The following CDH2 variants were observed in gnomAD, a reference collection of about 807,000 sequenced individuals.
The protein encoded by CDH2 is cadherin 2.
A neutral mutation model predicts 92.0 loss-of-function variants in CDH2; 17 were observed. The ratio of observed to expected loss-of-function variants is 0.18; its 90% CI spans 0.13 to 0.28. The LOEUF (loss-of-function observed/expected upper bound fraction) is 0.28, where lower values mean the gene tolerates loss of function less well. CDH2 is among the 10% of genes least tolerant of loss of function. The pLI is 1.00. For synonymous variants in CDH2, 419 were observed against 415.9 expected (o/e 1.01, Z -0.09); for missense variants, 862 against 1,133.1 (o/e 0.76, Z 3.44).
chr18:28,078,005 T>C (rs986864887), intron 2 of CDH2, among the ~76,000 whole-genome samples: 1 of 151,850 alleles, frequency 6.6e-6, no homozygotes, highest in Non-Finnish European at 1.5e-5. Flanking sequence ...TGCAAGGACG[T>C]GTTTTTACCA....
chr18:28,169,127 A>G (rs1336438578), intron 1 of CDH2, among the ~76,000 whole-genome samples: 1 of 152,160 alleles, frequency 6.6e-6, no homozygotes, highest in Non-Finnish European at 1.5e-5. Context: ...GAGGTTTAAT[A>G]CTAACAGACA....
At chr18:27,947,113 T>G (rs1909286647), downstream of CDH2, among the ~76,000 whole-genome samples, 1 of 151,542 alleles carries the variant, frequency 6.6e-6, no homozygotes, top group Admixed American at 6.6e-5. Flanking sequence ...GGGAAAAAAC[T>G]GTCATTAATT....
intron 1 of CDH2, among the ~76,000 whole-genome samples, chr18:28,175,630 C>T (rs930111895): frequency 3.3e-5 from 5 of 152,188 alleles, no homozygotes; most frequent in African/African-American, 4.8e-5. Flanking sequence ...CACTCACCCC[C>T]CGGCGGGCCG....
intron 15 of CDH2, among the ~76,000 whole-genome samples, chr18:27,959,274 T>TAAG (rs1365383041): frequency 1.3e-5 from 2 of 152,168 alleles, no homozygotes; most frequent in Non-Finnish European, 2.9e-5. Context: ...AGACTGGAAA[T>TAAG]AAGTTATCAT....
intron 2 of CDH2, among the ~76,000 whole-genome samples, chr18:28,106,587 T>C (rs1013225708): frequency 1.1e-4 from 17 of 151,976 alleles, no homozygotes; most frequent in Non-Finnish European, 1.9e-4. Flanking sequence ...TGATGTCACA[T>C]GTAACCACTG....
At chr18:28,107,693 A>G (rs1051472084) in intron 2 of CDH2, among the ~76,000 whole-genome samples, 17 of 152,152 alleles carry the variant, frequency 1.1e-4, no homozygotes, top group Non-Finnish European at 1.9e-4. Flanking sequence ...ACCAGGAAAG[A>G]GTGCAGCAGG....
intron 1 of CDH2, among the ~76,000 whole-genome samples, chr18:28,154,271 G>A (rs1269123905): frequency 2.0e-5 from 3 of 152,184 alleles, no homozygotes; most frequent in Non-Finnish European, 4.4e-5. Flanking sequence ...CCCATCTCCA[G>A]TCCTTTAGCA....
intron 5 of CDH2, among the ~76,000 whole-genome samples, chr18:28,007,250 T>C (rs1338177939): frequency 6.7e-6 from 1 of 149,820 alleles, no homozygotes; most frequent in African/African-American, 2.4e-5. Context: ...TTTATAGGTA[T>C]TCTTCTAGAA....
chr18:28,039,064 G>C (rs1324456289), intron 2 of CDH2, among the ~76,000 whole-genome samples: 4 of 152,120 alleles, frequency 2.6e-5, no homozygotes, highest in Non-Finnish European at 5.9e-5. Context: ...TTGTACACAG[G>C]ATAGTGAACT....
At chr18:28,104,895 T>C (rs912654625) in intron 2 of CDH2, among the ~76,000 whole-genome samples, 13 of 152,170 alleles carry the variant, frequency 8.5e-5, no homozygotes, top group African/African-American at 2.2e-4. Flanking sequence ...TGTAGATAGA[T>C]AGATACTCAC....
At chr18:27,970,165 A>G (rs2011622168) in intron 14 of CDH2, among the ~76,000 whole-genome samples, 1 of 152,228 alleles carries the variant, frequency 6.6e-6, no homozygotes, top group Non-Finnish European at 1.5e-5. Context: ...AGCACTGGAA[A>G]TATGAAATAA....
rs527483025 is a variant in CDH2 at position 28,143,385 on chromosome 18, C to T, written c.172+4288G>A. On this transcript the variant is annotated intron_variant, in intron 2 of 15. Coordinates refer to ENST00000269141, the MANE Select transcript of CDH2 (RefSeq NM_001792.5). ...TATTTTATTTTCAAGAAATATGCTACCACAAGAGATTTTTTTTTCCTAGTC... is the reference window on the plus strand; with the variant it reads ...TATTTTATTTTCAAGAAATATGCTATCACAAGAGATTTTTTTTTCCTAGTC... Among the ~76,000 whole-genome samples, 108 of 151,992 alleles carry T rather than the reference C, an allele frequency of 7.1e-4. 1 individual carries two copies. In the Middle Eastern group the frequency reaches 0.014, roughly 19 times the overall value.
At chr18:28,143,707 C>A (rs1337741058) in intron 2 of CDH2, among the ~76,000 whole-genome samples, 1 of 151,774 alleles carries the variant, frequency 6.6e-6, no homozygotes, top group Non-Finnish European at 1.5e-5. Context: ...TCATCACCAT[C>A]ATCAGAACTA....
intron 14 of CDH2, among the ~76,000 whole-genome samples, chr18:27,976,617 C>T (rs1331150050): frequency 6.6e-6 from 1 of 152,204 alleles, no homozygotes; most frequent in Non-Finnish European, 1.5e-5. Flanking sequence ...TAACAATATA[C>T]GCCTATTTTA....
chr18:28,032,052 T>G (rs988740451), intron 2 of CDH2, among the ~76,000 whole-genome samples: 4 of 152,148 alleles, frequency 2.6e-5, no homozygotes, highest in African/African-American at 9.6e-5. Context: ...AAAAGTGTTT[T>G]GATGTTGCAG....
At chr18:28,098,983 T>A (rs1041803027) in intron 2 of CDH2, among the ~76,000 whole-genome samples, 1 of 152,176 alleles carries the variant, frequency 6.6e-6, no homozygotes, top group South Asian at 2.1e-4. Context: ...AAAAACTGGA[T>A]GGATTTAAGT....
chr18:27,946,928 G>A (rs1269161170), downstream of CDH2, among the ~76,000 whole-genome samples: 1 of 151,816 alleles, frequency 6.6e-6, no homozygotes, highest in South Asian at 2.1e-4. Flanking sequence ...AATTCAACAT[G>A]TACATACAAA....
intron 2 of CDH2, among the ~76,000 whole-genome samples, chr18:28,031,369 A>G (rs2013691309): frequency 6.6e-6 from 1 of 152,028 alleles, no homozygotes; most frequent in African/African-American, 2.4e-5. Flanking sequence ...ACATCTTACC[A>G]TCAGTCATTA....
At chr18:28,121,507 T>C (rs1303157877) in intron 2 of CDH2, among the ~76,000 whole-genome samples, 2 of 152,056 alleles carry the variant, frequency 1.3e-5, no homozygotes, top group Non-Finnish European at 2.9e-5. Context: ...TCTTTACTCT[T>C]CTCTATATTC....
Sources: allele counts gnomAD v4.1 joint callset (sites outside exome capture counted in the v4.1 genomes callset), GRCh38; gene constraint gnomAD v4.1.1; transcripts MANE v1.5; gene names NCBI Gene and HGNC (gene_info 2026-07-23, HGNC 2026-07-21).